IPCEF1: variants seen among roughly 807,000 people sequenced by gnomAD.
The protein encoded by IPCEF1 is interactor protein for cytohesin exchange factors 1.
IPCEF1 carries 31 observed loss-of-function variants against 50.9 expected under a neutral mutation model. That is an observed-to-expected ratio of 0.61 (90% CI 0.46 to 0.82). The LOEUF is 0.82. IPCEF1 is among the 40% of genes least tolerant of loss of function. IPCEF1 has a pLI of 0.00. For missense variants in IPCEF1, 458 were observed against 514.0 expected (o/e 0.89, Z 1.05); for synonymous variants, 181 against 192.0 (o/e 0.94, Z 0.47).
At chr6:154,218,273 A>C (rs1778573817) in intron 7 of IPCEF1, among the ~76,000 whole-genome samples, 1 of 152,222 alleles carries the variant, frequency 6.6e-6, no homozygotes, top group Admixed American at 6.5e-5. Flanking sequence ...ACAAAACAAG[A>C]GCATTCTTCC....
chr6:154,256,740 G>A (rs983292695), intron 3 of IPCEF1, among the ~76,000 whole-genome samples: 2 of 152,058 alleles, frequency 1.3e-5, no homozygotes, highest in Non-Finnish European at 2.9e-5. Context: ...TGCACACATG[G>A]TCCCCAACTT....
chr6:154,224,493 C>T (rs900038564), intron 5 of IPCEF1, among the ~76,000 whole-genome samples: 7 of 151,994 alleles, frequency 4.6e-5, no homozygotes, highest in African/African-American at 9.7e-5. Flanking sequence ...GGATCACTTG[C>T]GGTGAGGTGT....
intron 5 of IPCEF1, among the ~76,000 whole-genome samples, chr6:154,231,093 A>G (rs1209965495): frequency 1.3e-5 from 2 of 152,224 alleles, no homozygotes; most frequent in African/African-American, 2.4e-5. Context: ...GATGAGGTCT[A>G]AACTCTGAGC....
At chr6:154,335,575 C>T (rs114704261) in intron 1 of IPCEF1, among the ~76,000 whole-genome samples, 3,366 of 151,948 alleles carry the variant, frequency 0.022, 57 homozygotes, top group Middle Eastern at 0.075. Flanking sequence ...GTGGCTCATG[C>T]CTGTAATCCC....
chr6:154,205,277 AT>A (rs35309621), intron 9 of IPCEF1, among the ~76,000 whole-genome samples: 10,371 of 151,516 alleles, frequency 0.068, 422 homozygotes, highest in African/African-American at 0.099. Context: ...GCATCCCTGT[AT>A]TTTTTTTTAA....
At chr6:154,204,438 T>TG (rs35153565) in intron 9 of IPCEF1, among the ~76,000 whole-genome samples, 7,735 of 152,278 alleles carry the variant, frequency 0.051, 329 homozygotes, top group East Asian at 0.2. Context: ...TTCCTTGTAT[T>TG]GGCCATATTA....
At chr6:154,160,135 C>T in intron 11 of IPCEF1, 95 bp from the exon 12 acceptor site, 1 of 914,994 alleles carries the variant, frequency 1.1e-6, no homozygotes. Context: ...TACACATATA[C>T]ATAAAATTAC....
rs574772683 is a variant in IPCEF1 at position 154,331,486 on chromosome 6, AAG to A, written c.-62+25184_-62+25185del. Among the ~76,000 whole-genome samples, 6 of 151,790 alleles carry A rather than the reference AAG, an allele frequency of 4.0e-5. No homozygotes were observed. In the South Asian group the frequency reaches 1.3e-3, roughly 32 times the overall value. On this transcript the variant is annotated intron_variant, in intron 1 of 11. Coordinates refer to ENST00000367220, the MANE Select transcript of IPCEF1 (RefSeq NM_001130700.2). Reference sequence around the variant, plus strand: ...AAAAGAAAGAAAGGGGAAGGAAGAAAAGAAAGAAACTTAAAAAAAGAGCAGTT... The same window carrying A: ...AAAAGAAAGAAAGGGGAAGGAAGAAAAAAGAAACTTAAAAAAAGAGCAGTT...
At chr6:154,344,404 T>TTTCACAAAAACAGGATGAAA in intron 1 of IPCEF1, among the ~76,000 whole-genome samples, 1 of 152,324 alleles carries the variant, frequency 6.6e-6, no homozygotes, top group Middle Eastern at 3.4e-3. Context: ...CAAAGATACT[T>TTTCACAAAAACAGGATGAAA]ACATCCTGTT....
At chr6:154,237,549 T>C (rs1780233115) in intron 5 of IPCEF1, among the ~76,000 whole-genome samples, 1 of 152,226 alleles carries the variant, frequency 6.6e-6, no homozygotes, top group Non-Finnish European at 1.5e-5. Flanking sequence ...TTTTTAAATA[T>C]TGCTTTTAGC....
intron 2 of IPCEF1, among the ~76,000 whole-genome samples, chr6:154,277,919 C>T (rs1366997028): frequency 6.6e-6 from 1 of 152,118 alleles, no homozygotes; most frequent in Non-Finnish European, 1.5e-5. Context: ...CACCCACTCT[C>T]ATCTTTACAT....
chr6:154,189,237 A>G (rs918228032), intron 10 of IPCEF1, among the ~76,000 whole-genome samples: 1 of 152,208 alleles, frequency 6.6e-6, no homozygotes, highest in African/African-American at 2.4e-5. Flanking sequence ...TCAGAAACTC[A>G]ACTTTACCAA....
chr6:154,285,802 T>C (rs562377102), intron 2 of IPCEF1, among the ~76,000 whole-genome samples: 1 of 152,310 alleles, frequency 6.6e-6, no homozygotes, highest in East Asian at 1.9e-4. Flanking sequence ...GTCTGAGTTG[T>C]TTCTTTATTA....
intron 11 of IPCEF1, 97 bp from the exon 12 acceptor site, chr6:154,160,137 T>A: frequency 1.1e-6 from 1 of 906,080 alleles, no homozygotes. Context: ...CACATATACA[T>A]AAAATTACCA....
intron 1 of IPCEF1, among the ~76,000 whole-genome samples, chr6:154,327,275 GA>G (rs1783545484): frequency 6.6e-6 from 1 of 152,178 alleles, no homozygotes; most frequent in African/African-American, 2.4e-5. Context: ...AGAGTGAATA[GA>G]AAATCTACAG....
chr6:154,281,831 C>T (rs1458561918), intron 2 of IPCEF1, among the ~76,000 whole-genome samples: 1 of 152,108 alleles, frequency 6.6e-6, no homozygotes, highest in African/African-American at 2.4e-5. Flanking sequence ...GGTGAAACCA[C>T]GTCTCTACTA....
intron 1 of IPCEF1, among the ~76,000 whole-genome samples, chr6:154,352,867 A>T (rs1784141188): frequency 6.6e-6 from 1 of 152,250 alleles, no homozygotes; most frequent in Non-Finnish European, 1.5e-5. Flanking sequence ...ATATGGCAAC[A>T]TTCCCTAAGA....
In IPCEF1 at chr6:154,196,157, A is replaced by C. The variant is rs552738852; in HGVS notation, c.910+3511T>G. On this transcript the variant is annotated intron_variant, in intron 10 of 11. Transcript: ENST00000367220. ...GCACATGTATGTTAGGTACTCAAAA[A>C]AATGATATATACACAATATAATAAT... Among the ~76,000 whole-genome samples, 26 of 152,298 alleles carry C rather than the reference A, an allele frequency of 1.7e-4. 1 individual carries two copies. Among genetic ancestry groups the C allele is most frequent in the South Asian group, 6.2e-4 (3 of 4,824 alleles).
chr6:154,354,037 C>T (rs999034259), intron 1 of IPCEF1, among the ~76,000 whole-genome samples: 1 of 152,166 alleles, frequency 6.6e-6, no homozygotes, highest in Non-Finnish European at 1.5e-5. Context: ...TTAAGCGTGG[C>T]TCTGGCAACT....
Sources: gnomAD v4.1 joint callset for allele counts (sites outside exome capture counted in the v4.1 genomes callset) on GRCh38, gnomAD v4.1.1 for gene constraint, MANE v1.5 for transcripts, NCBI Gene and HGNC (gene_info 2026-07-23, HGNC 2026-07-21) for gene names.